DKC1: variants seen among roughly 807,000 people sequenced by gnomAD.
The protein encoded by DKC1 is dyskerin pseudouridine synthase 1, also known as H/ACA ribonucleoprotein complex subunit DKC1.
In DKC1, 4 loss-of-function variants were observed where a neutral mutation model predicts 46.7. That is an observed-to-expected ratio of 0.09 (90% confidence interval 0.04 to 0.20). DKC1 has a LOEUF of 0.20. DKC1 is among the 10% of genes least tolerant of loss of function. The pLI, the probability that DKC1 is intolerant of heterozygous loss-of-function variation, is 1.00. For synonymous variants in DKC1, 141 were observed against 142.4 expected (o/e 0.99, Z 0.07); for missense variants, 171 against 404.2 (o/e 0.42, Z 4.95).
At chrX:154,763,676 CATT>C (rs782505716) in intron 1 of DKC1, among the ~76,000 whole-genome samples, 1 of 111,951 alleles carries the variant, frequency 8.9e-6, no homozygotes, top group South Asian at 3.7e-4. Flanking sequence ...GCGATTTCAT[CATT>C]GTGTGAACAT....
At chrX:154,765,028 T>A in intron 2 of DKC1, 62 bp downstream of exon 2, 1 of 969,131 alleles carries the variant, frequency 1.0e-6, no homozygotes, top group Non-Finnish European at 1.5e-6. Context: ...AATAACAAAC[T>A]AAAGGAAAGA....
chrX:154,776,923 T>C lies in DKC1; in HGVS notation c.*56T>C. The C allele has an allele frequency of 9.9e-7, 1 of 1,006,438 alleles. No homozygotes were observed. The highest frequency in any genetic ancestry group is 3.3e-5 in the East Asian group (1 of 29,954). The allele number at this position is 1,006,438 out of a possible 1,213,427, so 82.9% of individuals were successfully genotyped here. A position where few individuals can be genotyped will look rare whatever the true frequency, so the allele number is the denominator to read the frequency against. On this transcript the variant is annotated 3_prime_UTR_variant, in exon 15 of 15. Coordinates refer to ENST00000369550, the MANE Select transcript of DKC1 (RefSeq NM_001363.5). ...AAAGCCTTATTGAGAAAACATGTTA[T>C]AGATCCTTTTGTTGCTGAGAGAGTG...
chrX:154,775,133 A>G, intron 12 of DKC1, 62 bp from the exon 13 acceptor site: 2 of 1,051,508 alleles, frequency 1.9e-6, no homozygotes, highest in Non-Finnish European at 2.7e-6. Flanking sequence ...AACACTACAT[A>G]ACATCAGTAC....
chrX:154,767,522 G>A (rs1603429457), intron 7 of DKC1, 140 bp downstream of exon 7: 2 of 739,106 alleles, frequency 2.7e-6, no homozygotes, highest in East Asian at 6.6e-5. Context: ...GATAGTTTTT[G>A]TTATCTTTTG....
intron 9 of DKC1, 30 bp downstream of exon 9, chrX:154,769,340 G>T: frequency 8.4e-7 from 1 of 1,193,477 alleles, no homozygotes; most frequent in East Asian, 3.0e-5. Context: ...TTTATATTTG[G>T]AAAGAACGTA....
chrX:154,769,989 T>G (rs181720118), intron 9 of DKC1, among the ~76,000 whole-genome samples: 50 of 111,291 alleles, frequency 4.5e-4, no homozygotes, highest in African/African-American at 1.6e-3. Context: ...AGCCTTAACT[T>G]GTACCCACTG....
intron 2 of DKC1, 47 bp downstream of exon 2, chrX:154,765,013 A>G: frequency 9.8e-7 from 1 of 1,018,817 alleles, no homozygotes; most frequent in Non-Finnish European, 1.4e-6. Context: ...AAGAAAGTTT[A>G]CTTAAATAAC....
At chrX:154,773,600 G>C (rs1286821430) in intron 11 of DKC1, among the ~76,000 whole-genome samples, 1 of 109,640 alleles carries the variant, frequency 9.1e-6, no homozygotes, top group Non-Finnish European at 1.9e-5. Context: ...ACATGTTTCA[G>C]AGAGCACAGG....
intron 9 of DKC1, 95 bp from the exon 10 acceptor site, chrX:154,770,664 C>T: frequency 8.9e-7 from 1 of 1,125,215 alleles, no homozygotes; most frequent in Non-Finnish European, 1.2e-6. Context: ...TTCCTGGTGT[C>T]AGGCCCCACT....
At position 154,776,901 on chromosome X, in the gene DKC1, G is replaced by C; in HGVS notation, c.*34G>C. 1 of 1,094,202 alleles carries C rather than the reference G, an allele frequency of 9.1e-7. No homozygotes were observed. Among genetic ancestry groups the C allele is most frequent in the Non-Finnish European group, 1.2e-6 (1 of 800,628 alleles). 90.2% of individuals were successfully genotyped at this position (1,094,202 alleles called of 1,213,427 possible). A position where few individuals can be genotyped will look rare whatever the true frequency, so the allele number is the denominator to read the frequency against. On this transcript the variant is annotated 3_prime_UTR_variant, in exon 15 of 15. Coordinates refer to ENST00000369550, the MANE Select transcript of DKC1 (RefSeq NM_001363.5). ...ACTTGAAGCTGGAGGAGAAACTAAA[G>C]CCTTATTGAGAAAACATGTTATAGA...
chrX:154,773,677 A>G, intron 11 of DKC1, among the ~76,000 whole-genome samples: 1 of 111,573 alleles, frequency 9.0e-6, no homozygotes, highest in Non-Finnish European at 1.9e-5. Context: ...GCAGAACAAA[A>G]TGAAAAGTCT....
intron 1 of DKC1, among the ~76,000 whole-genome samples, chrX:154,763,463 C>T (rs1399408835): frequency 8.9e-6 from 1 of 112,177 alleles, no homozygotes; most frequent in Non-Finnish European, 1.9e-5. Flanking sequence ...CGAGTGGTCG[C>T]TTATGGAACT....
intron 12 of DKC1, 91 bp downstream of exon 12, chrX:154,774,796 G>A: frequency 1.2e-6 from 1 of 804,570 alleles, no homozygotes; most frequent in South Asian, 2.1e-5. Flanking sequence ...GTGAGGATGG[G>A]AAGGTAGAGC....
In DKC1 at chrX:154,776,293, G is replaced by T. The variant is rs782061570; in HGVS notation, c.1445G>T (p.Gly482Val). ...AAGAAGGACAAGAAGGCCAAAGCTG[G>T]TCTGGAGAGCGGGGCCGAGCCTGGA... ...KSKKDKKAKA[G>V]LESGAEPGDG... The change falls in exon 14 of 15, where the codon GGT (glycine) becomes GTT (valine). Residue 482 changes from glycine (G) to valine (V), a missense_variant. Gly to Val is a moderately radical substitution (Grantham distance 109, BLOSUM62 -3). Coordinates refer to ENST00000369550, the MANE Select transcript of DKC1 (RefSeq NM_001363.5). 8 of 1,203,813 alleles carry T rather than the reference G, an allele frequency of 6.6e-6. No homozygotes were observed. The highest frequency in any genetic ancestry group is 9.0e-6 in the Non-Finnish European group (8 of 891,540).
At chrX:154,765,257 T>G in intron 2 of DKC1, 187 bp from the exon 3 acceptor site, 1 of 527,176 alleles carries the variant, frequency 1.9e-6, no homozygotes, top group South Asian at 2.5e-5. Flanking sequence ...TGGACCCATC[T>G]TAGTGACATT....
chrX:154,763,944 C>T lies in DKC1; in HGVS notation c.17-955C>T, dbSNP rs180767826. ...CCAGCCCAGGCTGGCGGATCACCTG[C>T]GGTCAGGAGTTCAAGACCAGCCTGG... is the stretch of plus-strand genomic sequence containing the variant. On this transcript the variant is annotated intron_variant, in intron 1 of 14. Coordinates refer to ENST00000369550, the MANE Select transcript of DKC1 (RefSeq NM_001363.5). Among the ~76,000 whole-genome samples the T allele has an allele frequency of 2.1e-4, 23 of 110,977 alleles. No homozygotes were observed. In the East Asian group the frequency reaches 5.9e-3, roughly 28 times the overall value.
Position 154,776,874 on chromosome X carries a change from C to T in DKC1, c.*7C>T, listed in dbSNP as rs1557265797. 1.7e-6 allele frequency: 2 copies of T among 1,181,857 alleles called. No homozygotes were observed. Among genetic ancestry groups the T allele is most frequent in the Admixed American group, 4.5e-5 (2 of 44,405 alleles). ...AGAATTGGTTTCTGAGTAGTGAAGG[C>T]CACTTGAAGCTGGAGGAGAAACTAA... On this transcript the variant is annotated 3_prime_UTR_variant, in exon 15 of 15. Transcript: ENST00000369550.
At chrX:154,773,004 C>T (rs1258771529) in intron 10 of DKC1, 127 bp from the exon 11 acceptor site, 5 of 492,219 alleles carry the variant, frequency 1.0e-5, no homozygotes, top group Non-Finnish European at 1.8e-5. Context: ...GCAAAGGTAA[C>T]CCCAATTAAA....
Position 154,767,044 on chromosome X carries a change from G to A in DKC1, c.496G>A (p.Gly166Arg). 1 of 1,211,043 alleles carries A rather than the reference G, an allele frequency of 8.3e-7. No individual in the cohort carries two copies. Among genetic ancestry groups the A allele is most frequent in the Non-Finnish European group, 1.1e-6 (1 of 894,872 alleles). ...IVRLHNAIEG[G>R]TQLSRALETL... ...CCGGCTGCACAATGCTATTGAAGGG[G>A]GGACCCAGCTTTCTAGGGTAAGTCT... is the stretch of plus-strand genomic sequence containing the variant. The change falls in exon 6 of 15, where the codon GGG becomes AGG. Residue 166 changes from glycine (G) to arginine (R), a missense_variant. Coordinates refer to ENST00000369550, the MANE Select transcript of DKC1 (RefSeq NM_001363.5).
Sources: allele counts gnomAD v4.1 joint callset (sites outside exome capture counted in the v4.1 genomes callset), GRCh38; gene constraint gnomAD v4.1.1; transcripts MANE v1.5; gene names NCBI Gene and HGNC (gene_info 2026-07-23, HGNC 2026-07-21).